Variants in PAICS observed in about 807,000 individuals in gnomAD.
PAICS encodes phosphoribosylaminoimidazole carboxylase and phosphoribosylaminoimidazolesuccinocarboxamide synthase.
PAICS carries 33 observed loss-of-function variants against 53.7 expected under a neutral mutation model. The observed-to-expected ratio is 0.61, with a 90% CI of 0.47 to 0.82. The LOEUF is 0.82. Ranked by LOEUF, PAICS falls within the 40% of genes least tolerant of loss-of-function variation. The probability of loss-of-function intolerance (pLI) is 0.00; values close to 1 mark genes in which losing one functional copy is unlikely to be tolerated. For synonymous variants in PAICS, 141 were observed against 167.2 expected (o/e 0.84, Z 1.21); for missense variants, 394 against 494.1 (o/e 0.80, Z 1.92).
At chr4:56,446,288 A>G in intron 2 of PAICS, 1 of 704,898 alleles carries the variant, frequency 1.4e-6, no homozygotes, top group African/African-American at 1.8e-5. Flanking sequence ...TTAAACAATA[A>G]CTATTCCTCC....
At chr4:56,438,713 A>C (rs1158117777) in intron 1 of PAICS, among the ~76,000 whole-genome samples, 1 of 152,168 alleles carries the variant, frequency 6.6e-6, no homozygotes, top group Non-Finnish European at 1.5e-5. Flanking sequence ...TGCTGGGATT[A>C]CAGGCGTGAG....
intron 7 of PAICS, among the ~76,000 whole-genome samples, chr4:56,452,418 G>A (rs1718966434): frequency 6.6e-6 from 1 of 152,106 alleles, no homozygotes; most frequent in East Asian, 1.9e-4. Flanking sequence ...CTCATGATCC[G>A]CCTGCCTTGG....
At chr4:56,423,188 T>C in the PAICS span, 1 of 152,338 alleles carries the variant, frequency 6.6e-6, no homozygotes, top group African/African-American at 2.4e-5. Flanking sequence ...TCACAAAGTG[T>C]AAAGCTCAAT....
upstream of PAICS, chr4:56,435,830 A>G (rs1717892125): frequency 3.3e-6 from 5 of 1,503,052 alleles, no homozygotes; most frequent in Admixed American, 8.8e-5. Flanking sequence ...ACCCAACAGT[A>G]GCGTAATGGG....
At position 56,452,007 on chromosome 4, in the gene PAICS, C is replaced by T. The variant is rs1021316291; in HGVS notation, c.907C>T (p.His303Tyr). Reference protein sequence around the residue: ...IPCELRVTSAHKGPDETLRIK... With the variant: ...IPCELRVTSAYKGPDETLRIK... ...ATGTGAACTTCGAGTAACATCTGCGCATAAAGGACCAGATGAAACTCTGAG... is the reference window on the plus strand; with the variant it reads ...ATGTGAACTTCGAGTAACATCTGCGTATAAAGGACCAGATGAAACTCTGAG... The change falls in exon 7 of 9, where the codon CAT becomes TAT. Residue 303 changes from histidine (H) to tyrosine (Y), a missense_variant. Physicochemically the swap from His to Tyr is moderately conservative, Grantham distance 83. Around this residue, in one of 3 missense-constraint regions of PAICS, gnomAD observed 131 missense variants for 205.5 expected, o/e 0.64. Coordinates refer to ENST00000512576, the MANE Select transcript of PAICS (RefSeq NM_001079524.2). 5 of 1,609,112 alleles carry T rather than the reference C, an allele frequency of 3.1e-6. No homozygotes were observed. The highest frequency in any genetic ancestry group is 4.2e-6 in the Non-Finnish European group (5 of 1,177,436).
intron 8 of PAICS, 77 bp from the exon 9 acceptor site, chr4:56,459,295 T>C (rs748244068): frequency 8.5e-6 from 8 of 942,132 alleles, no homozygotes; most frequent in Non-Finnish European, 1.1e-5. Context: ...CTGCTCTGAG[T>C]ATAAAATTTT....
chr4:56,455,640 T>C (rs1439937387), intron 8 of PAICS, among the ~76,000 whole-genome samples: 4 of 152,246 alleles, frequency 2.6e-5, no homozygotes, highest in Non-Finnish European at 5.9e-5. Context: ...TGAAGCCCTA[T>C]ACTTGATAGT....
intron 6 of PAICS, chr4:56,451,172 C>G (rs1193673977): frequency 1.3e-5 from 2 of 155,812 alleles, no homozygotes; most frequent in Non-Finnish European, 2.8e-5. Flanking sequence ...GCTGGGCTAT[C>G]CTTACTAGGA....
In PAICS at chr4:56,462,090, TA is replaced by T. The variant is rs1719538651; in HGVS notation, c.*2555del. ...GAGGGGAAAACAAACCATAAAAAGG[TA>T]AACAGTATAAAATCAGGAAAGGATA... On this transcript the variant is annotated 3_prime_UTR_variant, in exon 9 of 9. Coordinates refer to ENST00000512576, the MANE Select transcript of PAICS (RefSeq NM_001079524.2). 1.3e-5 allele frequency: 2 copies of T among 152,040 alleles called. No homozygotes were observed. The highest frequency in any genetic ancestry group is 1.3e-4 in the Admixed American group (2 of 15,254). The allele number at this position is 152,040 out of a possible 1,614,324, so 9.4% of individuals were successfully genotyped here. A position where few individuals can be genotyped will look rare whatever the true frequency, so the allele number is the denominator to read the frequency against.
At chr4:56,415,828 G>C in the PAICS span, among the ~76,000 whole-genome samples, 1 of 152,154 alleles carries the variant, frequency 6.6e-6, no homozygotes, top group East Asian at 1.9e-4. Flanking sequence ...TGTAATCCCA[G>C]CACTTTGGGA....
At chr4:56,418,794 G>A in the PAICS span, among the ~76,000 whole-genome samples, 5 of 152,226 alleles carry the variant, frequency 3.3e-5, no homozygotes, top group South Asian at 1.0e-3. Context: ...CCAATATAAA[G>A]TCAAGTACTG....
chr4:56,419,489 T>C, the PAICS span: 1 of 174,248 alleles, frequency 5.7e-6, no homozygotes, highest in Non-Finnish European at 1.1e-5. Flanking sequence ...AGAGAAAAGC[T>C]AAGCTATGAT....
At chr4:56,456,475 A>T (rs1719211230) in intron 8 of PAICS, among the ~76,000 whole-genome samples, 1 of 152,084 alleles carries the variant, frequency 6.6e-6, no homozygotes. Context: ...TGGCATGATC[A>T]TATCTCACTG....
chr4:56,461,591 A>G lies in PAICS; in HGVS notation c.*2053A>G, dbSNP rs1462753037. 6.6e-6 allele frequency: 1 copy of G among 151,454 alleles called. No homozygotes were observed. The highest frequency in any genetic ancestry group is 1.5e-5 in the Non-Finnish European group (1 of 67,910). The allele number at this position is 151,454 out of a possible 1,614,324, so 9.4% of individuals were successfully genotyped here. ...CAGGCTGGAGTGCAGTGGCATGATT[A>G]TGGCTCCCTGCAGCCTTGAACTCCT... is the stretch of plus-strand genomic sequence containing the variant. On this transcript the variant is annotated 3_prime_UTR_variant, in exon 9 of 9. Coordinates refer to ENST00000512576, the MANE Select transcript of PAICS (RefSeq NM_001079524.2).
At chr4:56,411,867 T>C in the PAICS span, among the ~76,000 whole-genome samples, 6 of 152,168 alleles carry the variant, frequency 3.9e-5, no homozygotes, top group African/African-American at 1.4e-4. Flanking sequence ...AAGTTAGCTA[T>C]TTTTCATGTT....
intron 1 of PAICS, among the ~76,000 whole-genome samples, chr4:56,437,819 CA>C (rs869109998): frequency 0.037 from 806 of 21,570 alleles, no homozygotes; most frequent in African/African-American, 0.091. Context: ...GACTCTGTCT[CA>C]AAAAAAAAAA....
chr4:56,426,380 C>T, the PAICS span, among the ~76,000 whole-genome samples: 8 of 151,772 alleles, frequency 5.3e-5, 1 homozygote, highest in Middle Eastern at 6.8e-3. Flanking sequence ...CCAGCCTGGG[C>T]GACTGAGCAA....
the PAICS span, among the ~76,000 whole-genome samples, chr4:56,428,711 T>C: frequency 1.3e-5 from 2 of 152,152 alleles, no homozygotes; most frequent in African/African-American, 2.4e-5. Context: ...CCTTACACTA[T>C]TGTATGCTCA....
intron 1 of PAICS, among the ~76,000 whole-genome samples, chr4:56,438,834 T>C (rs1718186291): frequency 6.6e-6 from 1 of 152,220 alleles, no homozygotes. Context: ...GAATGCAGTA[T>C]ATATTTTAAC....
Sources: gnomAD v4.1 joint callset for allele counts (sites outside exome capture counted in the v4.1 genomes callset) on GRCh38, gnomAD v4.1.1 for gene constraint, gnomAD v4.1.1 regional missense constraint, MANE v1.5 for transcripts, NCBI Gene and HGNC (gene_info 2026-07-23, HGNC 2026-07-21) for gene names.